The following CNTN4 variants were observed in gnomAD, a reference collection of about 807,000 sequenced individuals.
CNTN4 encodes contactin 4, also known as contactin-4.
Under a neutral mutation model 122.5 loss-of-function variants are expected in CNTN4, and 77 were observed. The ratio of observed to expected loss-of-function variants is 0.63; its 90% confidence interval spans 0.52 to 0.76. The LOEUF (loss-of-function observed/expected upper bound fraction) is 0.76. CNTN4 is among the 30% of genes least tolerant of loss of function. CNTN4 has a pLI of 0.00. For missense variants in CNTN4, 1,256 were observed against 1,259.1 expected, an observed-to-expected ratio of 1.00 and a Z score of 0.04; for synonymous variants, 512 against 447.0, an observed-to-expected ratio of 1.15 and a Z score of -1.83.
intron 6 of CNTN4, among the ~76,000 whole-genome samples, chr3:2,814,468 C>T (rs1227794693): frequency 6.6e-6 from 1 of 152,206 alleles, no homozygotes; most frequent in Non-Finnish European, 1.5e-5. Context: ...TCACACTTTG[C>T]ACCTAACATT....
chr3:2,687,335 C>G (rs1250478132), intron 4 of CNTN4, among the ~76,000 whole-genome samples: 4 of 14,924 alleles, frequency 2.7e-4, no homozygotes, highest in Non-Finnish European at 6.0e-4. Context: ...TACATGCCAG[C>G]CTGTCTTCTG....
chr3:2,765,346 A>G (rs1274731944), intron 6 of CNTN4, among the ~76,000 whole-genome samples: 1 of 152,234 alleles, frequency 6.6e-6, no homozygotes, highest in East Asian at 1.9e-4. Context: ...CGACAGTGCT[A>G]GAGAATGGAG....
chr3:2,805,809 T>C (rs544107749), intron 6 of CNTN4, among the ~76,000 whole-genome samples: 1 of 152,314 alleles, frequency 6.6e-6, no homozygotes, highest in East Asian at 1.9e-4. Context: ...GGGTCCACAG[T>C]CTGTGCAGAT....
intron 2 of CNTN4, among the ~76,000 whole-genome samples, chr3:2,287,711 G>GAA (rs2041979201): frequency 4.6e-5 from 3 of 65,488 alleles, no homozygotes; most frequent in East Asian, 5.2e-4. Flanking sequence ...AAGAAGAAGA[G>GAA]GAAGAAGAAG....
intron 23 of CNTN4, among the ~76,000 whole-genome samples, chr3:3,045,602 G>A (rs1297499182): frequency 6.6e-6 from 1 of 152,128 alleles, no homozygotes; most frequent in Non-Finnish European, 1.5e-5. Context: ...CAAACAGAAA[G>A]GACATCCACA....
At chr3:2,773,846 G>A (rs1209747351) in intron 6 of CNTN4, among the ~76,000 whole-genome samples, 7 of 135,654 alleles carry the variant, frequency 5.2e-5, no homozygotes, top group East Asian at 4.5e-4. Context: ...TGTAAACTCC[G>A]CCTCCCAGGT....
At chr3:2,253,457 G>A (rs1332013314) in intron 2 of CNTN4, among the ~76,000 whole-genome samples, 1 of 152,036 alleles carries the variant, frequency 6.6e-6, no homozygotes, top group Admixed American at 6.6e-5. Context: ...TCTGCCACAC[G>A]ATTTATACCA....
chr3:2,636,920 C>CTTTG (rs1362340551), intron 4 of CNTN4, among the ~76,000 whole-genome samples: 6 of 109,776 alleles, frequency 5.5e-5, no homozygotes, highest in Non-Finnish European at 9.5e-5. Context: ...TTCTTTCTTT[C>CTTTG]TTTGTTTTTT....
intron 2 of CNTN4, among the ~76,000 whole-genome samples, chr3:2,220,733 A>T (rs1266222215): frequency 1.3e-5 from 2 of 152,166 alleles, no homozygotes; most frequent in East Asian, 3.9e-4. Flanking sequence ...TTGACACCAT[A>T]CTGTAGCATA....
At chr3:2,722,139 A>G (rs563253106) in intron 4 of CNTN4, among the ~76,000 whole-genome samples, 2 of 152,342 alleles carry the variant, frequency 1.3e-5, no homozygotes, top group Admixed American at 6.5e-5. Flanking sequence ...CTAAGACGCT[A>G]TTTAAAATTG....
chr3:2,268,206 A>G (rs1454457162), intron 2 of CNTN4, among the ~76,000 whole-genome samples: 1 of 152,162 alleles, frequency 6.6e-6, no homozygotes, highest in African/African-American at 2.4e-5. Context: ...CTAAGAGAAC[A>G]TTAGTCAGGC....
Position 2,764,072 on chromosome 3 carries a change from G to A in CNTN4, c.358+18375G>A, listed in dbSNP as rs202118006. ...AAGAGCAAGACATTTCAAGTGAGGA[G>A]AAAACATAGACTGTAGCATTCATCC... On this transcript the variant is annotated intron_variant, in intron 6 of 24. Coordinates refer to ENST00000418658, the MANE Select transcript of CNTN4 (RefSeq NM_175607.3). Among the ~76,000 whole-genome samples the A allele has an allele frequency of 3.1e-4, 47 of 152,216 alleles. No individual in the cohort carries two copies. The East Asian group carries it at 8.1e-3, about 26-fold the overall frequency.
At chr3:2,440,682 A>C (rs1450694916) in intron 3 of CNTN4, among the ~76,000 whole-genome samples, 6 of 151,776 alleles carry the variant, frequency 4.0e-5, no homozygotes, top group African/African-American at 7.2e-5. Context: ...ATATATTCAC[A>C]CATATACGTA....
chr3:2,380,754 T>C (rs1020372387), intron 3 of CNTN4, among the ~76,000 whole-genome samples: 1 of 151,982 alleles, frequency 6.6e-6, no homozygotes, highest in Non-Finnish European at 1.5e-5. Flanking sequence ...AATAACTTAT[T>C]CTCTCTAGAG....
intron 14 of CNTN4, among the ~76,000 whole-genome samples, chr3:3,009,357 A>G (rs1005226372): frequency 1.3e-5 from 2 of 152,090 alleles, no homozygotes; most frequent in Non-Finnish European, 2.9e-5. Flanking sequence ...TTTCTTGTTT[A>G]TGCAAATAAA....
chr3:2,235,861 C>A (rs1447940147), intron 2 of CNTN4, among the ~76,000 whole-genome samples: 1 of 152,026 alleles, frequency 6.6e-6, no homozygotes, highest in Non-Finnish European at 1.5e-5. Context: ...AGGCATTGTT[C>A]TAAGTGCTGG....
chr3:2,310,970 C>G lies in CNTN4; in HGVS notation c.-144-28208C>G, dbSNP rs533561836. Among the ~76,000 whole-genome samples the G allele has an allele frequency of 3.3e-5, 5 of 152,174 alleles. No homozygotes were observed. The East Asian group carries it at 9.7e-4, about 29-fold the overall frequency. On this transcript the variant is annotated intron_variant, in intron 2 of 24. Transcript: ENST00000418658. ...CACATTTGATTTATAAACAAAAAGA[C>G]TCCCTTGACTTTATCCTCCTGTTTT...
At chr3:2,713,067 G>A (rs1405520223) in intron 4 of CNTN4, among the ~76,000 whole-genome samples, 1 of 152,204 alleles carries the variant, frequency 6.6e-6, no homozygotes, top group Non-Finnish European at 1.5e-5. Flanking sequence ...AACCCACAGT[G>A]GGTCATGGGA....
At chr3:2,579,620 C>T (rs961289093) in intron 4 of CNTN4, among the ~76,000 whole-genome samples, 1 of 151,974 alleles carries the variant, frequency 6.6e-6, no homozygotes, top group African/African-American at 2.4e-5. Context: ...TGCATATATT[C>T]TTTGCACTTA....
Sources: allele counts gnomAD v4.1 joint callset (sites outside exome capture counted in the v4.1 genomes callset), GRCh38; gene constraint gnomAD v4.1.1; transcripts MANE v1.5; gene names NCBI Gene and HGNC (gene_info 2026-07-23, HGNC 2026-07-21).